The following ITPR2 variants were observed in gnomAD, a reference collection of about 807,000 sequenced individuals.
ITPR2 encodes inositol 1,4,5-trisphosphate receptor type 2, also known as inositol 1,4,5-trisphosphate-gated calcium channel ITPR2.
A neutral mutation model predicts 317.1 loss-of-function variants in ITPR2; 207 were observed. That is an observed-to-expected ratio of 0.65 (90% CI 0.58 to 0.73). ITPR2 has a LOEUF of 0.73. Ranked by LOEUF, ITPR2 falls within the 30% of genes least tolerant of loss-of-function variation. The probability of loss-of-function intolerance (pLI) is 0.00; values close to 1 mark genes in which losing one functional copy is unlikely to be tolerated. For synonymous variants in ITPR2, 1,156 were observed against 1,149.1 expected, an observed-to-expected ratio of 1.01 and a Z score of -0.12; for missense variants, 2,613 against 3,284.0, an observed-to-expected ratio of 0.80 and a Z score of 4.99.
intron 26 of ITPR2, among the ~76,000 whole-genome samples, chr12:26,603,447 C>CA (rs553162107): frequency 6.6e-6 from 1 of 152,074 alleles, no homozygotes; most frequent in Admixed American, 6.5e-5. Flanking sequence ...ACACCAGTGA[C>CA]AAAAAATTCC....
intron 55 of ITPR2, among the ~76,000 whole-genome samples, chr12:26,385,745 A>C (rs1460759940): frequency 6.6e-6 from 1 of 152,006 alleles, no homozygotes; most frequent in Non-Finnish European, 1.5e-5. Flanking sequence ...ACTCCCTCTT[A>C]TAGACAGACA....
At chr12:26,772,447 A>G (rs1014917) in intron 2 of ITPR2, among the ~76,000 whole-genome samples, 14,983 of 105,224 alleles carry the variant, frequency 0.14, 2,202 homozygotes, top group East Asian at 0.58. Flanking sequence ...TGTATTATAT[A>G]TATTATATAT....
In ITPR2 at chr12:26,545,666, T is replaced by G. The variant is rs377432676; in HGVS notation, c.5073+4581A>C. 1.1e-4 allele frequency among the ~76,000 whole-genome samples: 17 copies of G among 152,316 alleles called. 1 individual carries two copies. The highest frequency in any genetic ancestry group is 4.1e-4 in the African/African-American group (17 of 41,582). On this transcript the variant is annotated intron_variant, in intron 37 of 56. Transcript: ENST00000381340. Reference sequence around the variant, plus strand: ...GTCATGGAAACACAGCCACCCCTTATCCCACTATTGATAATTAGGGCTTGT... The same window carrying G: ...GTCATGGAAACACAGCCACCCCTTAGCCCACTATTGATAATTAGGGCTTGT...
At chr12:26,347,046 T>C (rs1938334028) in intron 55 of ITPR2, among the ~76,000 whole-genome samples, 1 of 152,114 alleles carries the variant, frequency 6.6e-6, no homozygotes, top group Admixed American at 6.5e-5. Flanking sequence ...GCCTGAAACC[T>C]AGAAAGTTTA....
intron 55 of ITPR2, among the ~76,000 whole-genome samples, chr12:26,355,483 T>C (rs1033417450): frequency 6.6e-6 from 1 of 152,220 alleles, no homozygotes; most frequent in East Asian, 1.9e-4. Flanking sequence ...CCCATTTACA[T>C]GTGTAAAATT....
intron 12 of ITPR2, 117 bp downstream of exon 12, chr12:26,682,457 T>G (rs2136962246): frequency 7.5e-6 from 5 of 666,364 alleles, no homozygotes; most frequent in Non-Finnish European, 1.0e-5. Context: ...TTAATTGCAA[T>G]GATCTGTAAT....
chr12:26,562,053 C>A, intron 34 of ITPR2, 101 bp from the exon 35 acceptor site: 3 of 782,150 alleles, frequency 3.8e-6, no homozygotes, highest in African/African-American at 1.8e-5. Flanking sequence ...AATATTAAAT[C>A]TTTAAACTCT....
intron 26 of ITPR2, among the ~76,000 whole-genome samples, chr12:26,603,130 A>G (rs536391226): frequency 1.3e-5 from 2 of 152,334 alleles, no homozygotes; most frequent in South Asian, 4.1e-4. Context: ...GGAGCAGATC[A>G]TCATAGCTGA....
intron 45 of ITPR2, among the ~76,000 whole-genome samples, chr12:26,464,852 C>G (rs766993105): frequency 1.3e-4 from 20 of 152,154 alleles, no homozygotes; most frequent in Non-Finnish European, 2.4e-4. Flanking sequence ...TGCTAAGGAG[C>G]TGAGGCTATG....
intron 49 of ITPR2, among the ~76,000 whole-genome samples, chr12:26,427,316 G>A (rs928141305): frequency 2.0e-5 from 3 of 151,858 alleles, no homozygotes; most frequent in Admixed American, 6.6e-5. Flanking sequence ...TGTATTTCTC[G>A]GGTAAAATTA....
At chr12:26,397,660 G>A (rs754068369) in intron 54 of ITPR2, among the ~76,000 whole-genome samples, 2 of 152,170 alleles carry the variant, frequency 1.3e-5, no homozygotes, top group Non-Finnish European at 2.9e-5. Context: ...TACAACTGTT[G>A]GAGGAAGGTA....
intron 55 of ITPR2, among the ~76,000 whole-genome samples, chr12:26,362,813 C>A (rs1938879249): frequency 6.6e-6 from 1 of 152,164 alleles, no homozygotes; most frequent in Non-Finnish European, 1.5e-5. Context: ...CCCTCATCAC[C>A]TCTTCCTAGT....
intron 52 of ITPR2, chr12:26,400,716 T>C (rs759696433): frequency 1.3e-5 from 2 of 152,354 alleles, no homozygotes; most frequent in Admixed American, 6.5e-5. Flanking sequence ...GTGCTTGTTA[T>C]GGTAGGAAGA....
intron 34 of ITPR2, among the ~76,000 whole-genome samples, chr12:26,562,657 A>G (rs965432441): frequency 3.9e-5 from 6 of 152,118 alleles, no homozygotes; most frequent in African/African-American, 1.4e-4. Flanking sequence ...TGTGCAGTCA[A>G]CCAAAACAAA....
At chr12:26,772,852 C>T (rs1479465404) in intron 2 of ITPR2, among the ~76,000 whole-genome samples, 3 of 151,834 alleles carry the variant, frequency 2.0e-5, no homozygotes, top group Admixed American at 1.3e-4. Flanking sequence ...CCATCATCTA[C>T]ATTTTAAGCC....
intron 34 of ITPR2, among the ~76,000 whole-genome samples, chr12:26,575,671 T>G (rs548742604): frequency 1.8e-4 from 27 of 152,370 alleles, no homozygotes; most frequent in Admixed American, 4.6e-4. Flanking sequence ...ATTATAATGC[T>G]TTGGCCAGTA....
chr12:26,627,949 T>C (rs1327170083), intron 23 of ITPR2, 84 bp downstream of exon 23: 6 of 1,251,138 alleles, frequency 4.8e-6, no homozygotes, highest in East Asian at 2.4e-5. Flanking sequence ...ACAAAAAATA[T>C]AATTATGTTT....
At chr12:26,428,119 T>G in intron 48 of ITPR2, 31 bp from the exon 49 acceptor site, 1 of 1,529,702 alleles carries the variant, frequency 6.5e-7, no homozygotes, top group Non-Finnish European at 8.8e-7. Flanking sequence ...TTATTGCTAC[T>G]AAGAATAAAA....
chr12:26,624,148 T>C (rs1394312746), intron 24 of ITPR2, 151 bp downstream of exon 24: 1 of 572,660 alleles, frequency 1.7e-6, no homozygotes. Flanking sequence ...CCAGAGTAAA[T>C]TAGCAGCTTC....
Sources: gnomAD v4.1 joint callset for allele counts (sites outside exome capture counted in the v4.1 genomes callset) on GRCh38, gnomAD v4.1.1 for gene constraint, MANE v1.5 for transcripts, NCBI Gene and HGNC (gene_info 2026-07-23, HGNC 2026-07-21) for gene names.